Variants in MROH1 observed in about 807,000 individuals in gnomAD.
The protein encoded by MROH1 is maestro heat like repeat family member 1, also known as maestro heat-like repeat-containing protein family member 1.
Under a neutral mutation model 116.5 loss-of-function variants are expected in MROH1, and 117 were observed. The ratio of observed to expected loss-of-function variants is 1.00; its 90% CI spans 0.86 to 1.17. The LOEUF (loss-of-function observed/expected upper bound fraction) is 1.17, where lower values mean the gene tolerates loss of function less well. Ranked by LOEUF, MROH1 falls within the 50% of genes most tolerant of loss-of-function variation. The probability of loss-of-function intolerance (pLI) is 0.00; values close to 1 mark genes in which losing one functional copy is unlikely to be tolerated. For synonymous variants in MROH1, 921 were observed against 583.9 expected (o/e 1.58, Z -8.32); for missense variants, 1,873 against 1,338.5 (o/e 1.40, Z -6.23).
chr8:144,162,018 C>T (rs977814590), intron 2 of MROH1, among the ~76,000 whole-genome samples: 1 of 152,136 alleles, frequency 6.6e-6, no homozygotes, highest in African/African-American at 2.4e-5. Flanking sequence ...AGCCACTGCC[C>T]TCTTCAGCTC....
At chr8:144,249,115 G>A in intron 32 of MROH1, 86 bp downstream of exon 32, 1 of 698,460 alleles carries the variant, frequency 1.4e-6, no homozygotes. Context: ...TGGGGTAGTG[G>A]CTCTTGGAGA....
intron 12 of MROH1, among the ~76,000 whole-genome samples, chr8:144,206,513 C>G (rs1832843725): frequency 6.6e-6 from 1 of 151,246 alleles, no homozygotes; most frequent in Admixed American, 6.6e-5. Flanking sequence ...ACCTCCACCT[C>G]CCGGGTTCAA....
chr8:144,247,035 T>C lies in MROH1; in HGVS notation c.2872-266T>C, dbSNP rs1445742914. Among the ~76,000 whole-genome samples the C allele has an allele frequency of 5.3e-5, 8 of 152,326 alleles. No individual in the cohort carries two copies. The East Asian group carries it at 1.5e-3, about 29-fold the overall frequency. On this transcript the variant is annotated intron_variant, in intron 29 of 43. Coordinates refer to ENST00000326134, the MANE Select transcript of MROH1 (RefSeq NM_032450.3). ...TGCCCACGTCGGCATGGCCTGGCCC[T>C]CCTTCTTGTAGGGGCCCGGCCTGGG...
intron 2 of MROH1, among the ~76,000 whole-genome samples, chr8:144,161,384 T>C (rs1819481627): frequency 6.6e-6 from 1 of 152,132 alleles, no homozygotes; most frequent in Admixed American, 6.6e-5. Flanking sequence ...CCGCTGCAGG[T>C]CTCTAAAGTT....
intron 12 of MROH1, chr8:144,213,285 T>C: frequency 5.2e-6 from 3 of 577,246 alleles, no homozygotes; most frequent in Non-Finnish European, 9.3e-6. Context: ...GAAGAGCTCA[T>C]GGGAACATGA....
At chr8:144,153,685 C>G (rs1358655090) in intron 1 of MROH1, among the ~76,000 whole-genome samples, 1 of 152,190 alleles carries the variant, frequency 6.6e-6, no homozygotes, top group African/African-American at 2.4e-5. Flanking sequence ...GTGCAGATGT[C>G]TTTTTTGAGA....
In MROH1 at chr8:144,260,850, G is replaced by A. The variant is rs1564588105; in HGVS notation, c.4536+18G>A. 1 of 777,766 alleles carries A rather than the reference G, an allele frequency of 1.3e-6. No homozygotes were observed. The highest frequency in any genetic ancestry group is 2.4e-5 in the East Asian group (1 of 41,246). 48.2% of individuals were successfully genotyped at this position (777,766 alleles called of 1,614,324 possible). A position where few individuals can be genotyped will look rare whatever the true frequency, so the allele number is the denominator to read the frequency against. ...TGGCCAGCGTGAGTAGCCAGGGGGT[G>A]AGTGGGATGGGGTGGGTGGCCTCAA... On this transcript the variant is annotated intron_variant, in intron 40 of 43. Transcript: ENST00000326134.
intron 10 of MROH1, among the ~76,000 whole-genome samples, chr8:144,197,049 C>T (rs947892381): frequency 3.9e-5 from 6 of 152,078 alleles, no homozygotes; most frequent in African/African-American, 9.7e-5. Flanking sequence ...GAGCCGAGAT[C>T]GCGCCATTGC....
At position 144,259,996 on chromosome 8, in the gene MROH1, C is replaced by T. The variant is rs1554834819; in HGVS notation, c.4130C>T (p.Ala1377Val). 4.1e-6 allele frequency: 3 copies of T among 734,328 alleles called. No homozygotes were observed. The highest frequency in any genetic ancestry group is 2.9e-5 in the South Asian group (2 of 69,466). 45.5% of individuals were successfully genotyped at this position (734,328 alleles called of 1,614,324 possible). A position where few individuals can be genotyped will look rare whatever the true frequency, so the allele number is the denominator to read the frequency against. Residue 1377 changes from alanine to valine, a missense_variant, in exon 38 of 44, where the codon GCC becomes GTC. Transcript: ENST00000326134. ...GCGGCTCGCCAGAAGGACACATGCG[C>T]CAGCGTGCGGAGGCTGGTGCTCCGC... Reference protein sequence around the residue: ...SLAARQKDTCASVRRLVLRGL... With the variant: ...SLAARQKDTCVSVRRLVLRGL...
intron 13 of MROH1, among the ~76,000 whole-genome samples, chr8:144,222,187 A>G (rs918552222): frequency 6.6e-6 from 1 of 152,122 alleles, no homozygotes; most frequent in African/African-American, 2.4e-5. Context: ...GGATGGGTGT[A>G]TTTGGAGCCT....
Position 144,240,975 on chromosome 8 carries a change from C to T in MROH1, c.1936-17C>T, listed in dbSNP as rs1449721298. The T allele has an allele frequency of 1.9e-5, 14 of 739,942 alleles. No homozygotes were observed. Among genetic ancestry groups the T allele is most frequent in the African/African-American group, 1.7e-4 (10 of 58,264 alleles). The allele number at this position is 739,942 out of a possible 1,614,324, so 45.8% of individuals were successfully genotyped here. A position where few individuals can be genotyped will look rare whatever the true frequency, so the allele number is the denominator to read the frequency against. On this transcript the variant is annotated splice_polypyrimidine_tract_variant and intron_variant, in intron 20 of 43. Transcript: ENST00000326134. ...CTCAGGAGTCAGGCAGAGCCGTGTT[C>T]TCTGGTTTTGTTTCAGAACTTCCTG... is the stretch of plus-strand genomic sequence containing the variant.
Position 144,243,793 on chromosome 8 carries a change from G to GT in MROH1, c.2476-70_2476-69insT, listed in dbSNP as rs1313992615. 3 of 744,860 alleles carry GT rather than the reference G, an allele frequency of 4.0e-6. No individual in the cohort carries two copies. In the East Asian group the frequency reaches 7.7e-5, roughly 19 times the overall value. The allele number at this position is 744,860 out of a possible 1,614,324, so 46.1% of individuals were successfully genotyped here. A position where few individuals can be genotyped will look rare whatever the true frequency, so the allele number is the denominator to read the frequency against. On this transcript the variant is annotated intron_variant, in intron 25 of 43. Transcript: ENST00000326134. ...GCCCCGCCTGTCACTTAGGCTGGGG[G>GT]ACAGAGCTTGACCAGGGAGGAGAGC... is the stretch of plus-strand genomic sequence containing the variant.
intron 12 of MROH1, among the ~76,000 whole-genome samples, chr8:144,215,586 C>T (rs1305391908): frequency 1.3e-5 from 2 of 152,220 alleles, no homozygotes; most frequent in Non-Finnish European, 2.9e-5. Context: ...AAAAATGAAA[C>T]ACAGGCCGGG....
intron 33 of MROH1, chr8:144,254,311 G>GT (rs1198562967): frequency 1.3e-5 from 2 of 154,492 alleles, no homozygotes; most frequent in Non-Finnish European, 1.4e-5. Context: ...CAAATTTGCT[G>GT]TATCTGTTTT....
chr8:144,257,769 C>G (rs940912567), intron 35 of MROH1, among the ~76,000 whole-genome samples: 2 of 152,258 alleles, frequency 1.3e-5, no homozygotes, highest in Admixed American at 1.3e-4. Flanking sequence ...TCACCACCAC[C>G]AGCGGTCACC....
intron 32 of MROH1, among the ~76,000 whole-genome samples, chr8:144,249,989 T>C (rs1190361229): frequency 6.6e-6 from 1 of 152,216 alleles, no homozygotes; most frequent in African/African-American, 2.4e-5. Flanking sequence ...CCCGGGGCAC[T>C]GGCCACTTTG....
intron 12 of MROH1, among the ~76,000 whole-genome samples, chr8:144,204,064 T>G (rs1174557502): frequency 6.6e-6 from 1 of 152,240 alleles, no homozygotes; most frequent in Non-Finnish European, 1.5e-5. Context: ...TTTCACTTGC[T>G]AGTATATCTT....
chr8:144,178,929 G>A (rs532393644), intron 4 of MROH1, among the ~76,000 whole-genome samples: 2 of 152,166 alleles, frequency 1.3e-5, no homozygotes, highest in Non-Finnish European at 2.9e-5. Flanking sequence ...GAAGGCAGGT[G>A]GTTGGACTCT....
chr8:144,162,084 CTTTTT>C (rs1179685748), intron 2 of MROH1, among the ~76,000 whole-genome samples: 1 of 136,124 alleles, frequency 7.3e-6, no homozygotes, highest in Non-Finnish European at 1.6e-5. Flanking sequence ...TTTTTCTTTT[CTTTTT>C]TTTTTTTTTT....
Sources: allele counts gnomAD v4.1 joint callset (sites outside exome capture counted in the v4.1 genomes callset), GRCh38; gene constraint gnomAD v4.1.1; transcripts MANE v1.5; gene names NCBI Gene and HGNC (gene_info 2026-07-23, HGNC 2026-07-21).